Variants in ARHGEF3 observed in about 807,000 individuals in gnomAD.
ARHGEF3 encodes Rho guanine nucleotide exchange factor 3, also known as 59.8 kDA protein.
Under a neutral mutation model 63.2 loss-of-function variants are expected in ARHGEF3, and 28 were observed. The ratio of observed to expected loss-of-function variants is 0.44; its 90% CI spans 0.33 to 0.61. The LOEUF (loss-of-function observed/expected upper bound fraction) is 0.61. Ranked by LOEUF, ARHGEF3 falls within the 20% of genes least tolerant of loss-of-function variation. The pLI is 0.03. For missense variants in ARHGEF3, 533 were observed against 659.3 expected, an observed-to-expected ratio of 0.81 and a Z score of 2.10; for synonymous variants, 266 against 254.2, an observed-to-expected ratio of 1.05 and a Z score of -0.44.
intron 1 of ARHGEF3, among the ~76,000 whole-genome samples, chr3:57,042,700 A>ATTTTTTTTTTTTTTTTTT (rs869145503): frequency 3.0e-5 from 2 of 66,128 alleles, no homozygotes; most frequent in African/African-American, 5.0e-5. Flanking sequence ...ATATATATAT[A>ATTTTTTTTTTTTTTTTTT]TTTTTTTTTT....
intron 1 of ARHGEF3, among the ~76,000 whole-genome samples, chr3:57,042,904 A>G (rs893811284): frequency 6.6e-6 from 1 of 150,952 alleles, no homozygotes; most frequent in Non-Finnish European, 1.5e-5. Context: ...TCACCATGTT[A>G]GCCAGGATGG....
chr3:56,947,119 T>G lies in ARHGEF3; in HGVS notation c.129+11704A>C, dbSNP rs1699546754. Among the ~76,000 whole-genome samples, 4 of 152,278 alleles carry G rather than the reference T, an allele frequency of 2.6e-5. No individual in the cohort carries two copies. In the South Asian group the frequency reaches 8.3e-4, roughly 32 times the overall value. The stretch of plus-strand genomic sequence containing the variant: ...ACCAGGCCTGCCCTAAAACAGCTCC[T>G]GAAGGAAGCACTAAATATGGAAAGG... On this transcript the variant is annotated intron_variant, in intron 3 of 12. Coordinates refer to the ARHGEF3 transcript ENST00000338458.
chr3:57,014,439 A>G (rs538318763), intron 2 of ARHGEF3, among the ~76,000 whole-genome samples: 1 of 152,310 alleles, frequency 6.6e-6, no homozygotes, highest in East Asian at 1.9e-4. Flanking sequence ...ATTCCAGAAG[A>G]AAGCAGGAAA....
At chr3:56,876,837 G>A (rs1355530257) in intron 4 of ARHGEF3, among the ~76,000 whole-genome samples, 1 of 152,190 alleles carries the variant, frequency 6.6e-6, no homozygotes, top group Non-Finnish European at 1.5e-5. Context: ...AGTCAAGAGA[G>A]GCGTGTGGGC....
chr3:56,740,800 C>T (rs371135423), intron 7 of ARHGEF3, among the ~76,000 whole-genome samples: 13 of 152,282 alleles, frequency 8.5e-5, no homozygotes, highest in East Asian at 3.9e-4. Flanking sequence ...CCTGGACAGC[C>T]GGAATTAATC....
intron 4 of ARHGEF3, among the ~76,000 whole-genome samples, chr3:56,870,722 TG>T: frequency 6.6e-6 from 1 of 152,166 alleles, no homozygotes; most frequent in Middle Eastern, 3.4e-3. Flanking sequence ...TACATCGACT[TG>T]GGGGCATATG....
intron 7 of ARHGEF3, among the ~76,000 whole-genome samples, chr3:56,744,209 C>A (rs1559895632): frequency 6.6e-6 from 1 of 152,066 alleles, no homozygotes. Context: ...GCTCAGGCCA[C>A]CCGCTCCCCG....
chr3:56,786,154 C>T (rs1318477863), intron 1 of ARHGEF3, among the ~76,000 whole-genome samples: 8 of 151,892 alleles, frequency 5.3e-5, no homozygotes, highest in African/African-American at 7.3e-5. Context: ...TGCTCCCAGC[C>T]GAAAACAGAA....
At chr3:56,832,690 A>G (rs1178305139) in intron 4 of ARHGEF3, among the ~76,000 whole-genome samples, 3 of 152,226 alleles carry the variant, frequency 2.0e-5, no homozygotes, top group African/African-American at 7.2e-5. Flanking sequence ...TATATTCACA[A>G]TGCTGTACAG....
At chr3:56,910,971 T>G (rs1224001950) in intron 3 of ARHGEF3, among the ~76,000 whole-genome samples, 1 of 152,102 alleles carries the variant, frequency 6.6e-6, no homozygotes, top group Non-Finnish European at 1.5e-5. Context: ...ACAGAGTAAG[T>G]GACAGTGAGG....
At chr3:56,894,490 TC>T (rs375513934) in intron 3 of ARHGEF3, among the ~76,000 whole-genome samples, 204 of 152,306 alleles carry the variant, frequency 1.3e-3, no homozygotes, top group African/African-American at 4.4e-3. Context: ...ATTTTAGTTC[TC>T]CTGAAAAGAA....
At chr3:56,887,375 T>C (rs561936046) in intron 3 of ARHGEF3, among the ~76,000 whole-genome samples, 1 of 152,292 alleles carries the variant, frequency 6.6e-6, no homozygotes, top group African/African-American at 2.4e-5. Context: ...GGCTACAGTA[T>C]TATACCTGGG....
intron 1 of ARHGEF3, among the ~76,000 whole-genome samples, chr3:57,068,168 T>TACACACACAC (rs55876198): frequency 1.0e-4 from 15 of 148,982 alleles, no homozygotes; most frequent in African/African-American, 3.2e-4. Flanking sequence ...CACACACACA[T>TACACACACAC]ACACACACAC....
intron 2 of ARHGEF3, among the ~76,000 whole-genome samples, chr3:56,973,302 C>T (rs1471076304): frequency 6.6e-6 from 1 of 152,150 alleles, no homozygotes; most frequent in South Asian, 2.1e-4. Context: ...CAGGCGTGAG[C>T]CACCGCGCCT....
At chr3:56,738,679 G>C (rs2033806887) in intron 7 of ARHGEF3, among the ~76,000 whole-genome samples, 1 of 152,164 alleles carries the variant, frequency 6.6e-6, no homozygotes, top group South Asian at 2.1e-4. Flanking sequence ...CAAGAGTACT[G>C]CCTGAGATGT....
At chr3:56,944,110 T>C (rs1448255481) in intron 3 of ARHGEF3, among the ~76,000 whole-genome samples, 1 of 151,508 alleles carries the variant, frequency 6.6e-6, no homozygotes, top group Non-Finnish European at 1.5e-5. Context: ...AAGGTGGAGG[T>C]TGCAGGGAGC....
At chr3:56,968,375 G>A (rs1043680266) in intron 2 of ARHGEF3, among the ~76,000 whole-genome samples, 4 of 98,824 alleles carry the variant, frequency 4.0e-5, no homozygotes, top group Non-Finnish European at 6.2e-5. Context: ...GTCTTACTCC[G>A]TTGCCCAGGC....
chr3:57,051,987 A>C (rs527702176), intron 1 of ARHGEF3, among the ~76,000 whole-genome samples: 56 of 151,976 alleles, frequency 3.7e-4, no homozygotes, highest in African/African-American at 1.3e-3. Flanking sequence ...ACCCTTCATC[A>C]TTGCCACTAC....
chr3:56,910,971 T>C (rs1224001950), intron 3 of ARHGEF3, among the ~76,000 whole-genome samples: 2 of 152,102 alleles, frequency 1.3e-5, no homozygotes, highest in Admixed American at 1.3e-4. Flanking sequence ...ACAGAGTAAG[T>C]GACAGTGAGG....
Sources: allele counts gnomAD v4.1 joint callset (sites outside exome capture counted in the v4.1 genomes callset), GRCh38; gene constraint gnomAD v4.1.1; transcripts MANE v1.5; gene names NCBI Gene and HGNC (gene_info 2026-07-23, HGNC 2026-07-21).